Variants in IRAK1 observed in about 807,000 individuals in gnomAD.
IRAK1 encodes interleukin 1 receptor associated kinase 1.
IRAK1 carries 9 observed loss-of-function variants against 49.8 expected under a neutral mutation model. The ratio of observed to expected loss-of-function variants is 0.18; its 90% CI spans 0.11 to 0.32. IRAK1 has a LOEUF of 0.32. Among genes scored for constraint, IRAK1 ranks in the 10% least tolerant of loss-of-function variants. The pLI, the probability that IRAK1 is intolerant of heterozygous loss-of-function variation, is 1.00. For synonymous variants in IRAK1, 282 were observed against 270.8 expected, an observed-to-expected ratio of 1.04 and a Z score of -0.41; for missense variants, 418 against 600.5, an observed-to-expected ratio of 0.70 and a Z score of 3.18.
At position 154,019,468 on chromosome X, in the gene IRAK1, G is replaced by A. The variant is rs781976434; in HGVS notation, c.267C>T (p.His89=). The stretch of plus-strand genomic sequence containing the variant: ...TGTCCCGCGCACGGAGCAGCTGCAG[G>A]TGCGTGAGGATGTGCACGAGGTCGG... ...RVADLVHILT[H]LQLLRARDII... is the part of the protein sequence containing the mutation. The change falls in exon 2 of 14, where the codon CAC becomes CAT. Residue 89 remains histidine (H), a synonymous_variant. Transcript: ENST00000369980. 5 of 1,144,406 alleles carry A rather than the reference G, an allele frequency of 4.4e-6. No individual in the cohort carries two copies. The African/African-American group carries it at 9.0e-5, about 20-fold the overall frequency. 94.3% of individuals were successfully genotyped at this position (1,144,406 alleles called of 1,213,427 possible). A position where few individuals can be genotyped will look rare whatever the true frequency, so the allele number is the denominator to read the frequency against.
rs1603303262 is a variant in IRAK1 at position 154,011,583 on chromosome X, G to A, written c.*276C>T. On this transcript the variant is annotated 3_prime_UTR_variant, in exon 14 of 14. Transcript: ENST00000369980. ...ACAGCAGCCCCTCTCCTCCCCTCACGGGTCTGTGCAGCCAGCAGCCTCCCA... is the reference window on the plus strand; with the variant it reads ...ACAGCAGCCCCTCTCCTCCCCTCACAGGTCTGTGCAGCCAGCAGCCTCCCA... 5 of 423,099 alleles carry A rather than the reference G, an allele frequency of 1.2e-5. No individual in the cohort carries two copies. Among genetic ancestry groups the A allele is most frequent in the East Asian group, 8.4e-5 (2 of 23,759 alleles). 34.9% of individuals were successfully genotyped at this position (423,099 alleles called of 1,213,427 possible). A position where few individuals can be genotyped will look rare whatever the true frequency, so the allele number is the denominator to read the frequency against.
At chrX:154,014,302 T>C in intron 10 of IRAK1, 24 bp from the exon 11 acceptor site, 2 of 1,203,080 alleles carry the variant, frequency 1.7e-6, no homozygotes, top group Admixed American at 2.2e-5. Flanking sequence ...ACTGTCAGTA[T>C]GGCTACCAGG....
At chrX:154,017,246 G>A (rs2148641625) in intron 7 of IRAK1, among the ~76,000 whole-genome samples, 179 bp from the exon 8 acceptor site, 1 of 112,571 alleles carries the variant, frequency 8.9e-6, no homozygotes, top group South Asian at 3.7e-4. Context: ...GCAATGGCTG[G>A]GGACACGTTC....
chrX:154,010,706 C>CT lies in IRAK1; in HGVS notation c.*1152dup. On this transcript the variant is annotated 3_prime_UTR_variant, in exon 14 of 14. Transcript: ENST00000369980. ...GCTTCTGAAGACATGTGATACATGT[C>CT]TTTTCCCTGAAAATGTTTCCCTTCC... 1 of 239,917 alleles carries CT rather than the reference C, an allele frequency of 4.2e-6. No homozygotes were observed. The highest frequency in any genetic ancestry group is 8.0e-6 in the Non-Finnish European group (1 of 125,778). The allele number at this position is 239,917 out of a possible 1,213,427, so 19.8% of individuals were successfully genotyped here. A position where few individuals can be genotyped will look rare whatever the true frequency, so the allele number is the denominator to read the frequency against.
rs1488705832 is a variant in IRAK1, at chrX:154,011,652, C to T, written c.*207G>A. 1.0e-5 allele frequency: 5 copies of T among 497,313 alleles called. No homozygotes were observed. Among genetic ancestry groups the T allele is most frequent in the Middle Eastern group, 4.3e-4 (1 of 2,313 alleles). The allele number at this position is 497,313 out of a possible 1,213,427, so 41.0% of individuals were successfully genotyped here. On this transcript the variant is annotated 3_prime_UTR_variant, in exon 14 of 14. Transcript: ENST00000369980. ...ACTGGATGATGCCAGCCTTCCTTGC[C>T]CCCAGATGCTGGCATGGAGGCAGGG...
intron 11 of IRAK1, 98 bp downstream of exon 11, chrX:154,013,944 G>A: frequency 9.6e-7 from 1 of 1,039,970 alleles, no homozygotes; most frequent in Non-Finnish European, 1.3e-6. Flanking sequence ...GGAGACTCCA[G>A]AGAGACCTAG....
rs782265613 is a variant in IRAK1 at position 154,019,235 on chromosome X, C to T, written c.398G>A (p.Arg133Gln). Residue 133 changes from arginine to glutamine, a missense_variant, in exon 3 of 14, where the codon CGG (arginine) becomes CAG (glutamine). By Grantham distance (43) the Arg-to-Gln change is conservative. This residue lies in a region of IRAK1 where 377 missense variants were observed against 499.5 expected (regional missense o/e 0.75). Coordinates refer to ENST00000369980, the MANE Select transcript of IRAK1 (RefSeq NM_001569.4). ...APAEAEAWSP[R>Q]KLPSSASTFL... ...GGTGGAGGCTGAGGATGGCAACTTC[C>T]GGGGGCTCCAGGCCTCGGCCTCGGC... 18 of 1,208,004 alleles carry T rather than the reference C, an allele frequency of 1.5e-5. No individual in the cohort carries two copies. Among genetic ancestry groups the T allele is most frequent in the African/African-American group, 1.8e-5 (1 of 57,105 alleles).
At position 154,019,441 on chromosome X, in the gene IRAK1, G is replaced by A. The variant is rs1429392141; in HGVS notation, c.294C>T (p.Ile98=). 3 of 1,123,769 alleles carry A rather than the reference G, an allele frequency of 2.7e-6. No individual in the cohort carries two copies. The highest frequency in any genetic ancestry group is 3.6e-6 in the Non-Finnish European group (3 of 837,641). The allele number at this position is 1,123,769 out of a possible 1,213,427, so 92.6% of individuals were successfully genotyped here. A position where few individuals can be genotyped will look rare whatever the true frequency, so the allele number is the denominator to read the frequency against. ...THLQLLRARD[I]ITAWHPPAPL... is the part of the protein sequence containing the mutation. Reference sequence around the variant, plus strand: ...GAGTCCCGCGCTCACAGGCTGTGATGATGTCCCGCGCACGGAGCAGCTGCA... The same window carrying A: ...GAGTCCCGCGCTCACAGGCTGTGATAATGTCCCGCGCACGGAGCAGCTGCA... Residue 98 remains isoleucine, a synonymous_variant, in exon 2 of 14, where the codon ATC becomes ATT. Coordinates refer to ENST00000369980, the MANE Select transcript of IRAK1 (RefSeq NM_001569.4).
rs2065698688 is a variant in IRAK1 at position 154,011,655 on chromosome X, C to T, written c.*204G>A. On this transcript the variant is annotated 3_prime_UTR_variant, in exon 14 of 14. Transcript: ENST00000369980. ...GGATGATGCCAGCCTTCCTTGCCCC[C>T]AGATGCTGGCATGGAGGCAGGGTTC... 1.4e-5 allele frequency: 7 copies of T among 499,430 alleles called. No individual in the cohort carries two copies. The highest frequency in any genetic ancestry group is 2.3e-5 in the African/African-American group (1 of 43,716). The allele number at this position is 499,430 out of a possible 1,213,427, so 41.2% of individuals were successfully genotyped here.
rs1557127432 is a variant in IRAK1, at chrX:154,011,554, C to T, written c.*305G>A. 1.8e-5 allele frequency: 7 copies of T among 383,538 alleles called. No individual in the cohort carries two copies. The highest frequency in any genetic ancestry group is 3.3e-5 in the Non-Finnish European group (7 of 213,882). The allele number at this position is 383,538 out of a possible 1,213,427, so 31.6% of individuals were successfully genotyped here. On this transcript the variant is annotated 3_prime_UTR_variant, in exon 14 of 14. Transcript: ENST00000369980. ...GGAGCCAGCTCCCTACTCCACACCC[C>T]TGCACAGCAGCCCCTCTCCTCCCCT...
chrX:154,019,621 C>T, intron 1 of IRAK1, 23 bp from the exon 2 acceptor site: 1 of 977,661 alleles, frequency 1.0e-6, no homozygotes, highest in East Asian at 4.2e-5. Flanking sequence ...GGGCGTCAGG[C>T]GTCGGCGCCA....
chrX:154,013,570 C>T (rs1242863299), intron 11 of IRAK1, 137 bp from the exon 12 acceptor site: 7 of 575,467 alleles, frequency 1.2e-5, no homozygotes, highest in Non-Finnish European at 1.8e-5. Flanking sequence ...CAGCTGGGAA[C>T]GCTCTGCCCC....
rs1557128664 is a variant in IRAK1 at position 154,014,661 on chromosome X, G to T, written c.1303-383C>A. On this transcript the variant is annotated intron_variant, in intron 10 of 13. Transcript: ENST00000369980. ...GCCTCCCGAGCAGCTGGGATTACAG[G>T]TGTGTACCACCATGCCTATCTTGCT... is the stretch of plus-strand genomic sequence containing the variant. Among the ~76,000 whole-genome samples, 3 of 111,677 alleles carry T rather than the reference G, an allele frequency of 2.7e-5. No homozygotes were observed. In the East Asian group the frequency reaches 8.5e-4, roughly 32 times the overall value.
At position 154,011,714 on chromosome X, in the gene IRAK1, C is replaced by G. The variant is rs781935869; in HGVS notation, c.*145G>C. 1.5e-5 allele frequency: 9 copies of G among 585,091 alleles called. No individual in the cohort carries two copies. Among genetic ancestry groups the G allele is most frequent in the Middle Eastern group, 3.1e-4 (1 of 3,250 alleles). 48.2% of individuals were successfully genotyped at this position (585,091 alleles called of 1,213,427 possible). On this transcript the variant is annotated 3_prime_UTR_variant, in exon 14 of 14. Coordinates refer to ENST00000369980, the MANE Select transcript of IRAK1 (RefSeq NM_001569.4). Reference sequence around the variant, plus strand: ...CTGCCTATGCCCACAGAGCCTAGAACAGCAGGGCCACCTCCTTCTCTCCCC... The same window carrying G: ...CTGCCTATGCCCACAGAGCCTAGAAGAGCAGGGCCACCTCCTTCTCTCCCC...
Position 154,014,201 on chromosome X carries a change from C to A in IRAK1, c.1380G>T (p.Leu460=). 8.3e-7 allele frequency: 1 copy of A among 1,210,358 alleles called. No individual in the cohort carries two copies. The highest frequency in any genetic ancestry group is 1.1e-6 in the Non-Finnish European group (1 of 894,934). Residue 460 remains leucine, a synonymous_variant, in exon 11 of 14, where the codon CTG becomes CTT. Coordinates refer to ENST00000369980, the MANE Select transcript of IRAK1 (RefSeq NM_001569.4). ...RSTQSTLQAG[L]AADAWAAPIA... ...TGGGAGCAGCCCAGGCATCTGCAGC[C>A]AGACCTGCTTGCAGTGTGCTCTGGG...
In IRAK1 at chrX:154,013,519, C is replaced by T. The variant is rs781952209; in HGVS notation, c.1540-86G>A. 27 of 906,760 alleles carry T rather than the reference C, an allele frequency of 3.0e-5. 1 individual carries two copies. The highest frequency in any genetic ancestry group is 2.2e-4 in the African/African-American group (11 of 50,467). The allele number at this position is 906,760 out of a possible 1,213,427, so 74.7% of individuals were successfully genotyped here. A position where few individuals can be genotyped will look rare whatever the true frequency, so the allele number is the denominator to read the frequency against. On this transcript the variant is annotated intron_variant, in intron 11 of 13. Coordinates refer to ENST00000369980, the MANE Select transcript of IRAK1 (RefSeq NM_001569.4). ...GGCAAACCACAGGGCTGCTCCAGGCCGTCCGTGACCTGCCCCAGGGCTCTA... is the reference window on the plus strand; with the variant it reads ...GGCAAACCACAGGGCTGCTCCAGGCTGTCCGTGACCTGCCCCAGGGCTCTA...
intron 7 of IRAK1, among the ~76,000 whole-genome samples, 179 bp downstream of exon 7, chrX:154,017,818 AAAAAAAAAT>A (rs2065750077): frequency 3.0e-5 from 3 of 99,594 alleles, no homozygotes; most frequent in Non-Finnish European, 4.1e-5. Context: ...AAAAAAAAAA[AAAAAAAAAT>A]TGACCCCACC....
intron 9 of IRAK1, 136 bp from the exon 10 acceptor site, chrX:154,016,233 C>T (rs2148640840): frequency 1.6e-6 from 1 of 616,933 alleles, no homozygotes; most frequent in East Asian, 3.5e-5. Flanking sequence ...TCGGGCAACT[C>T]GGAGAGCCCA....
At position 154,013,386 on chromosome X, in the gene IRAK1, G is replaced by A. The variant is rs974811749; in HGVS notation, c.1587C>T (p.Pro529=). 13 of 1,198,296 alleles carry A rather than the reference G, an allele frequency of 1.1e-5. No homozygotes were observed. The highest frequency in any genetic ancestry group is 1.8e-5 in the South Asian group (1 of 55,448). ...EKLQAVVAGV[P]GHSEAASCIP... is the part of the protein sequence containing the mutation. ...TGCAGCTGGCGGCCTCCGAATGCCC[G>A]GGCACCCCCGCCACCACTGCCTGCA... The change falls in exon 12 of 14, where the codon CCC becomes CCT. Residue 529 remains proline, a synonymous_variant. Coordinates refer to ENST00000369980, the MANE Select transcript of IRAK1 (RefSeq NM_001569.4).
Sources: gnomAD v4.1 joint callset for allele counts (sites outside exome capture counted in the v4.1 genomes callset) on GRCh38, gnomAD v4.1.1 for gene constraint, gnomAD v4.1.1 regional missense constraint, MANE v1.5 for transcripts, NCBI Gene and HGNC (gene_info 2026-07-23, HGNC 2026-07-21) for gene names.